The following DEPDC1B variants were observed in gnomAD, a reference collection of about 807,000 sequenced individuals.
DEPDC1B encodes DEP domain containing 1B.
DEPDC1B carries 51 observed loss-of-function variants against 66.5 expected under a neutral mutation model. The ratio of observed to expected loss-of-function variants is 0.77; its 90% CI spans 0.61 to 0.97. DEPDC1B has a LOEUF of 0.97. DEPDC1B is among the 50% of genes least tolerant of loss of function. The probability of loss-of-function intolerance (pLI) is 0.00; values close to 1 mark genes in which losing one functional copy is unlikely to be tolerated. For synonymous variants in DEPDC1B, 226 were observed against 223.6 expected (o/e 1.01, Z -0.10); for missense variants, 552 against 637.1 (o/e 0.87, Z 1.44).
intron 7 of DEPDC1B, among the ~76,000 whole-genome samples, chr5:60,612,831 C>G (rs1752450739): frequency 6.6e-6 from 1 of 151,924 alleles, no homozygotes; most frequent in African/African-American, 2.4e-5. Context: ...TGCAAGGTCA[C>G]ATGCGAGCTA....
intron 2 of DEPDC1B, among the ~76,000 whole-genome samples, chr5:60,679,277 C>T (rs1200981075): frequency 1.3e-5 from 2 of 152,156 alleles, no homozygotes; most frequent in East Asian, 1.9e-4. Context: ...TTCACCAACA[C>T]CATAGTATTA....
intron 2 of DEPDC1B, among the ~76,000 whole-genome samples, chr5:60,652,329 G>A (rs1051606935): frequency 2.0e-5 from 3 of 149,034 alleles, no homozygotes; most frequent in Admixed American, 6.7e-5. Context: ...AGCCAAAACC[G>A]GTCTGGAGAT....
At chr5:60,698,442 A>C (rs558314479) in intron 1 of DEPDC1B, among the ~76,000 whole-genome samples, 3 of 152,292 alleles carry the variant, frequency 2.0e-5, no homozygotes, top group African/African-American at 7.2e-5. Context: ...GCCTCCGATA[A>C]CCTGTTAGAG....
At chr5:60,598,345 G>A (rs1182530645) in intron 10 of DEPDC1B, among the ~76,000 whole-genome samples, 1 of 152,170 alleles carries the variant, frequency 6.6e-6, no homozygotes, top group Non-Finnish European at 1.5e-5. Context: ...AAGAGAGGCA[G>A]TATACTTTCT....
intron 7 of DEPDC1B, among the ~76,000 whole-genome samples, chr5:60,637,767 C>T (rs1393009747): frequency 6.6e-6 from 1 of 152,194 alleles, no homozygotes; most frequent in Admixed American, 6.5e-5. Context: ...AAAACACTGA[C>T]TCTTATTTAC....
At chr5:60,600,500 A>C (rs1752181246) in intron 9 of DEPDC1B, among the ~76,000 whole-genome samples, 1 of 152,192 alleles carries the variant, frequency 6.6e-6, no homozygotes, top group Non-Finnish European at 1.5e-5. Flanking sequence ...ATTTTCAGAG[A>C]AGCACTCCCC....
In DEPDC1B at chr5:60,668,581, T is replaced by C. The variant is rs1343821218; in HGVS notation, c.314+18381A>G. Among the ~76,000 whole-genome samples the C allele has an allele frequency of 2.0e-5, 3 of 152,136 alleles. No individual in the cohort carries two copies. In the South Asian group the frequency reaches 6.2e-4, roughly 32 times the overall value. ...ATGAGCCACCATGCCCGGCCCAGAA[T>C]ATATTTTTTTAAACCACAATGAATC... On this transcript the variant is annotated intron_variant, in intron 2 of 10. Coordinates refer to ENST00000265036, the MANE Select transcript of DEPDC1B (RefSeq NM_018369.3).
At chr5:60,635,085 C>T (rs1397422437) in intron 7 of DEPDC1B, among the ~76,000 whole-genome samples, 4 of 151,584 alleles carry the variant, frequency 2.6e-5, no homozygotes, top group African/African-American at 7.3e-5. Context: ...AAAAAAACTC[C>T]GGCCATAAGC....
intron 2 of DEPDC1B, among the ~76,000 whole-genome samples, chr5:60,661,038 A>G (rs1331090521): frequency 1.3e-5 from 2 of 152,228 alleles, no homozygotes; most frequent in African/African-American, 4.8e-5. Context: ...ACGGAATAAA[A>G]ACAAAAAAAA....
chr5:60,617,966 A>C (rs1752601147), intron 7 of DEPDC1B, among the ~76,000 whole-genome samples: 2 of 152,350 alleles, frequency 1.3e-5, no homozygotes, highest in East Asian at 1.9e-4. Context: ...ATCAAACTAG[A>C]ACTCAGGATT....
intron 7 of DEPDC1B, among the ~76,000 whole-genome samples, chr5:60,631,338 C>A (rs756245329): frequency 1.3e-5 from 2 of 152,188 alleles, no homozygotes; most frequent in Non-Finnish European, 2.9e-5. Context: ...GCAGCTGTAA[C>A]GACGAAGACT....
At chr5:60,668,061 T>TA (rs1753922237) in intron 2 of DEPDC1B, among the ~76,000 whole-genome samples, 1 of 40,766 alleles carries the variant, frequency 2.5e-5, no homozygotes, top group Non-Finnish European at 4.1e-5. Context: ...AATGGATATT[T>TA]TATATATATA....
At chr5:60,655,298 C>A (rs969615852) in intron 2 of DEPDC1B, among the ~76,000 whole-genome samples, 8 of 148,648 alleles carry the variant, frequency 5.4e-5, no homozygotes, top group Admixed American at 5.3e-4. Flanking sequence ...CCATTTGAAT[C>A]TCGCTGCTTG....
chr5:60,608,664 A>G (rs1246229354), intron 7 of DEPDC1B, among the ~76,000 whole-genome samples: 1 of 151,696 alleles, frequency 6.6e-6, no homozygotes, highest in Non-Finnish European at 1.5e-5. Context: ...TCAGAATTCT[A>G]TAAAAGAAAT....
At chr5:60,678,845 G>GTCCTCTCA (rs971827206) in intron 2 of DEPDC1B, among the ~76,000 whole-genome samples, 1 of 152,254 alleles carries the variant, frequency 6.6e-6, no homozygotes, top group South Asian at 2.1e-4. Flanking sequence ...TCTGTAGCTT[G>GTCCTCTCA]TCCTCTCATC....
At chr5:60,683,476 T>C (rs1038043973) in intron 2 of DEPDC1B, among the ~76,000 whole-genome samples, 1 of 151,734 alleles carries the variant, frequency 6.6e-6, no homozygotes, top group African/African-American at 2.4e-5. Flanking sequence ...GATTTACTTA[T>C]ATATATATAC....
chr5:60,699,441 C>CAAAAAAAAAAAAAAAAA (rs1250552536), intron 1 of DEPDC1B, among the ~76,000 whole-genome samples: 1 of 13,956 alleles, frequency 7.2e-5, no homozygotes, highest in African/African-American at 1.3e-3. Flanking sequence ...GCTTTTCTCC[C>CAAAAAAAAAAAAAAAAA]AGAAAAAAAA....
At chr5:60,683,192 A>T (rs1754336624) in intron 2 of DEPDC1B, among the ~76,000 whole-genome samples, 1 of 152,138 alleles carries the variant, frequency 6.6e-6, no homozygotes, top group African/African-American at 2.4e-5. Flanking sequence ...CACTTTGGGA[A>T]GCTGAGGCCA....
At chr5:60,650,181 A>C (rs367721380) in intron 2 of DEPDC1B, among the ~76,000 whole-genome samples, 1 of 149,814 alleles carries the variant, frequency 6.7e-6, no homozygotes. Flanking sequence ...CAAGACCCCC[A>C]TCTCTAAAGT....
Sources: gnomAD v4.1 joint callset for allele counts (sites outside exome capture counted in the v4.1 genomes callset) on GRCh38, gnomAD v4.1.1 for gene constraint, MANE v1.5 for transcripts, NCBI Gene and HGNC (gene_info 2026-07-23, HGNC 2026-07-21) for gene names.